Variants in CERKL observed in about 807,000 individuals in gnomAD.
CERKL encodes ceramide kinase-like protein.
A neutral mutation model predicts 63.4 loss-of-function variants in CERKL; 61 were observed. The ratio of observed to expected loss-of-function variants is 0.96; its 90% CI spans 0.78 to 1.19. The LOEUF (loss-of-function observed/expected upper bound fraction) is 1.19. Ranked by LOEUF, CERKL falls within the 50% of genes most tolerant of loss-of-function variation. CERKL has a pLI of 0.00. For synonymous variants in CERKL, 250 were observed against 230.5 expected (o/e 1.08, Z -0.77); for missense variants, 675 against 655.5 (o/e 1.03, Z -0.33).
At chr2:181,600,555 G>C (rs1685415412) in intron 2 of CERKL, among the ~76,000 whole-genome samples, 1 of 152,078 alleles carries the variant, frequency 6.6e-6, no homozygotes, top group African/African-American at 2.4e-5. Context: ...AAAAAGAACA[G>C]ATGTTGCTAT....
chr2:181,539,452 G>T (rs1687389912), intron 11 of CERKL, among the ~76,000 whole-genome samples, 188 bp from the exon 12 acceptor site: 1 of 151,842 alleles, frequency 6.6e-6, no homozygotes, highest in Non-Finnish European at 1.5e-5. Context: ...AAGCCTTTTG[G>T]GTTCTTTTAG....
At chr2:181,594,177 A>C (rs184017488) in intron 2 of CERKL, among the ~76,000 whole-genome samples, 93 of 152,314 alleles carry the variant, frequency 6.1e-4, no homozygotes, top group African/African-American at 1.8e-3. Context: ...TAAAAAATAA[A>C]ATTTATTGAA....
intron 2 of CERKL, among the ~76,000 whole-genome samples, chr2:181,592,915 C>A (rs1027867318): frequency 6.6e-6 from 1 of 152,084 alleles, no homozygotes; most frequent in Non-Finnish European, 1.5e-5. Flanking sequence ...GGCAATCTCT[C>A]TCACCCTCTC....
chr2:181,559,192 A>G (rs1156758358), intron 4 of CERKL, among the ~76,000 whole-genome samples: 1 of 152,194 alleles, frequency 6.6e-6, no homozygotes, highest in East Asian at 1.9e-4. Flanking sequence ...TCATTACTAT[A>G]TGAATGTAGT....
chr2:181,568,791 C>G (rs910527381), intron 3 of CERKL, among the ~76,000 whole-genome samples: 9 of 151,002 alleles, frequency 6.0e-5, no homozygotes, highest in African/African-American at 2.2e-4. Flanking sequence ...CCCACTAACT[C>G]GTCATCTAGC....
intron 1 of CERKL, among the ~76,000 whole-genome samples, chr2:181,650,722 G>A (rs951203559): frequency 1.3e-5 from 2 of 151,456 alleles, no homozygotes; most frequent in African/African-American, 2.4e-5. Flanking sequence ...TCACACCATT[G>A]CACTCCAGCC....
chr2:181,621,219 T>C (rs1211819085), intron 1 of CERKL, among the ~76,000 whole-genome samples: 1 of 152,148 alleles, frequency 6.6e-6, no homozygotes, highest in Non-Finnish European at 1.5e-5. Flanking sequence ...ATTTCCTAAG[T>C]CTCTAAGTTA....
intron 1 of CERKL, among the ~76,000 whole-genome samples, chr2:181,617,779 T>C (rs1382028284): frequency 6.6e-6 from 1 of 152,194 alleles, no homozygotes; most frequent in Non-Finnish European, 1.5e-5. Flanking sequence ...AGATATGTTT[T>C]CAGATTTCAA....
chr2:181,601,422 G>A (rs527962765), intron 2 of CERKL, among the ~76,000 whole-genome samples: 10 of 152,076 alleles, frequency 6.6e-5, no homozygotes, highest in South Asian at 4.1e-4. Flanking sequence ...TTAGCCAGGC[G>A]TAGTGGCGGG....
chr2:181,602,808 A>C (rs898266884), intron 2 of CERKL, among the ~76,000 whole-genome samples: 2 of 152,204 alleles, frequency 1.3e-5, no homozygotes, highest in African/African-American at 4.8e-5. Context: ...CATCAACTAT[A>C]CAAGCTGCCT....
chr2:181,629,789 GA>G (rs1457231705), intron 1 of CERKL, among the ~76,000 whole-genome samples: 3 of 151,986 alleles, frequency 2.0e-5, no homozygotes, highest in Non-Finnish European at 1.5e-5. Context: ...GCTATATTTA[GA>G]CTGATTAGAT....
chr2:181,630,675 A>G lies in CERKL; in HGVS notation c.238+26094T>C, dbSNP rs1686919237. Among the ~76,000 whole-genome samples, 7 of 152,140 alleles carry G rather than the reference A, an allele frequency of 4.6e-5. No homozygotes were observed. In the South Asian group the frequency reaches 1.2e-3, roughly 27 times the overall value. On this transcript the variant is annotated intron_variant, in intron 1 of 12. Coordinates refer to ENST00000410087, the MANE Select transcript of CERKL (RefSeq NM_201548.5). ...CTCTTCAGAAACCAACCCCAATGGC[A>G]CCTTGATTTTGGACTTCTAGCCTCA...
chr2:181,620,902 G>T (rs1686420753), intron 1 of CERKL, among the ~76,000 whole-genome samples: 1 of 152,164 alleles, frequency 6.6e-6, no homozygotes, highest in South Asian at 2.1e-4. Context: ...TTATTCATAT[G>T]ATGAGTATTT....
Position 181,544,736 on chromosome 2 carries a change from T to A in CERKL, c.1329A>T (p.Ile443=). The change falls in exon 11 of 13, where the codon ATA becomes ATT. Residue 443 remains isoleucine (I), a synonymous_variant. Coordinates refer to ENST00000410087, the MANE Select transcript of CERKL (RefSeq NM_201548.5). ...IARNTSRPEF[I]KHLKRYASVK... ...CACTGGCATATCTTTTCAGGTGTTT[T>A]ATAAATTCTGGCCGAGAAGTGTTTC... is the stretch of plus-strand genomic sequence containing the variant. 1 of 1,608,934 alleles carries A rather than the reference T, an allele frequency of 6.2e-7. No homozygotes were observed. Among genetic ancestry groups the A allele is most frequent in the Non-Finnish European group, 8.5e-7 (1 of 1,176,608 alleles).
At chr2:181,636,930 G>A (rs532621279) in intron 1 of CERKL, among the ~76,000 whole-genome samples, 15 of 152,242 alleles carry the variant, frequency 9.9e-5, no homozygotes, top group African/African-American at 3.6e-4. Flanking sequence ...ATATCTTCCT[G>A]AAGATTGTGA....
chr2:181,640,518 G>A (rs1415195733), intron 1 of CERKL, among the ~76,000 whole-genome samples: 2 of 152,162 alleles, frequency 1.3e-5, no homozygotes, highest in African/African-American at 4.8e-5. Flanking sequence ...CAGGCTAGGT[G>A]GGATAACAAG....
In CERKL at chr2:181,617,839, A is replaced by C. The variant is rs145226733; in HGVS notation, c.239-13760T>G. 3.4e-3 allele frequency among the ~76,000 whole-genome samples: 515 copies of C among 152,348 alleles called. 2 individuals are homozygous for C. Among genetic ancestry groups the C allele is most frequent in the African/African-American group, 0.011 (477 of 41,588 alleles). On this transcript the variant is annotated intron_variant, in intron 1 of 12. Coordinates refer to ENST00000410087, the MANE Select transcript of CERKL (RefSeq NM_201548.5). ...AGCACTTGATAAGTTTTGCTATAGT[A>C]TCAAAGGACAATATCCACAATTATC...
intron 1 of CERKL, among the ~76,000 whole-genome samples, chr2:181,653,492 A>G (rs1327259002): frequency 6.6e-6 from 1 of 152,252 alleles, no homozygotes; most frequent in African/African-American, 2.4e-5. Context: ...AATGGCCAAG[A>G]TATGGAATCA....
chr2:181,544,345 A>G (rs944100223), intron 11 of CERKL, among the ~76,000 whole-genome samples: 2 of 152,242 alleles, frequency 1.3e-5, no homozygotes, highest in Admixed American at 6.5e-5. Context: ...TGCTGCCATA[A>G]TATCAAGAAG....
Sources: gnomAD v4.1 joint callset for allele counts (sites outside exome capture counted in the v4.1 genomes callset) on GRCh38, gnomAD v4.1.1 for gene constraint, MANE v1.5 for transcripts, NCBI Gene and HGNC (gene_info 2026-07-23, HGNC 2026-07-21) for gene names.